The following NRXN1 variants were observed in gnomAD, a reference collection of about 807,000 sequenced individuals.
NRXN1 encodes the protein neurexin 1, also known as neurexin-1.
In NRXN1, 39 loss-of-function variants were observed where a neutral mutation model predicts 150.9. That is an observed-to-expected ratio of 0.26 (90% confidence interval 0.20 to 0.34). NRXN1 has a LOEUF of 0.34. Among genes scored for constraint, NRXN1 ranks in the 10% least tolerant of loss-of-function variants. The probability of loss-of-function intolerance (pLI) is 1.00; values close to 1 mark genes in which losing one functional copy is unlikely to be tolerated. For synonymous variants in NRXN1, 924 were observed against 757.0 expected (o/e 1.22, Z -3.62); for missense variants, 1,815 against 1,949.9 (o/e 0.93, Z 1.30).
rs543585481 is a variant in NRXN1 at position 50,486,487 on chromosome 2, G to A, written c.3070+9418C>T. On this transcript the variant is annotated intron_variant, in intron 15 of 22. Coordinates refer to ENST00000401669, the MANE Select transcript of NRXN1 (RefSeq NM_001330078.2). ...TTCATTGGGTTTCACAAAAAATATC[G>A]GGAACTACACATGTTAAATTTTTAA... Among the ~76,000 whole-genome samples, 10 of 152,202 alleles carry A rather than the reference G, an allele frequency of 6.6e-5. No homozygotes were observed. In the East Asian group the frequency reaches 7.7e-4, roughly 12 times the overall value.
chr2:50,821,738 T>A (rs1669762412), intron 5 of NRXN1, among the ~76,000 whole-genome samples: 1 of 151,952 alleles, frequency 6.6e-6, no homozygotes. Flanking sequence ...ATTGCACACG[T>A]GAAAAAAGAA....
intron 5 of NRXN1, among the ~76,000 whole-genome samples, chr2:50,814,501 T>C (rs1012819992): frequency 6.6e-6 from 1 of 152,132 alleles, no homozygotes; most frequent in Non-Finnish European, 1.5e-5. Context: ...AGTTGGGTAG[T>C]ACCTCATGGA....
chr2:50,204,360 G>A (rs73930308), intron 18 of NRXN1, among the ~76,000 whole-genome samples: 5 of 82,688 alleles, frequency 6.0e-5, no homozygotes, highest in Admixed American at 1.6e-4. Context: ...GTGTGTGTGT[G>A]TGTGTGTGTG....
chr2:50,101,764 T>G (rs993481710), intron 18 of NRXN1, among the ~76,000 whole-genome samples: 4 of 152,040 alleles, frequency 2.6e-5, no homozygotes, highest in Admixed American at 2.0e-4. Context: ...GGAGCACTAT[T>G]TTTTTAAATT....
At chr2:50,371,201 T>A (rs1433438831) in intron 17 of NRXN1, among the ~76,000 whole-genome samples, 3 of 152,138 alleles carry the variant, frequency 2.0e-5, no homozygotes. Context: ...TAACTTCCAC[T>A]GAGGTCTAAC....
intron 18 of NRXN1, among the ~76,000 whole-genome samples, chr2:50,234,376 C>T (rs2065229842): frequency 6.6e-6 from 1 of 151,906 alleles, no homozygotes; most frequent in Non-Finnish European, 1.5e-5. Context: ...CACCTGTAAT[C>T]CTAGATATTT....
At chr2:50,847,405 T>C (rs1021245657) in intron 5 of NRXN1, among the ~76,000 whole-genome samples, 2 of 152,108 alleles carry the variant, frequency 1.3e-5, no homozygotes, top group African/African-American at 2.4e-5. Flanking sequence ...AAACTAGGTC[T>C]GACTGCAGGG....
chr2:50,360,084 C>T (rs1027854147), intron 17 of NRXN1, among the ~76,000 whole-genome samples: 4 of 152,124 alleles, frequency 2.6e-5, no homozygotes, highest in African/African-American at 9.7e-5. Context: ...ACCAGGCCTG[C>T]CTTACAAGAG....
chr2:50,069,844 G>A (rs975219541), intron 19 of NRXN1, among the ~76,000 whole-genome samples: 14 of 80,820 alleles, frequency 1.7e-4, no homozygotes, highest in Non-Finnish European at 3.0e-4. Context: ...GGAGATTTTG[G>A]GGGTTTTTTT....
chr2:50,264,108 C>T (rs1213494083), intron 17 of NRXN1, among the ~76,000 whole-genome samples: 2 of 152,026 alleles, frequency 1.3e-5, no homozygotes, highest in Non-Finnish European at 2.9e-5. Flanking sequence ...TGCAGTAGGA[C>T]TGTGCAATCT....
At position 50,497,439 on chromosome 2, in the gene NRXN1, T is replaced by C; in HGVS notation, c.2773A>G (p.Thr925Ala). ...AACTGGAAAAAAAGATGCATAGAAG[T>C]GTAGGCTTGCAAGGTAGCTAAGGCA... ...YVALATLQAY[T>A]SMHLFFQFKT... is the part of the protein sequence containing the mutation. Residue 925 changes from threonine to alanine, a missense_variant, in exon 14 of 23, where the codon ACT becomes GCT. Thr to Ala is a moderately conservative substitution (Grantham distance 58). Transcript: ENST00000401669. The C allele has an allele frequency of 3.7e-6, 6 of 1,613,544 alleles. No individual in the cohort carries two copies. The highest frequency in any genetic ancestry group is 4.2e-6 in the Non-Finnish European group (5 of 1,179,614).
chr2:50,204,164 A>C (rs1388459266), intron 18 of NRXN1, among the ~76,000 whole-genome samples: 1 of 152,148 alleles, frequency 6.6e-6, no homozygotes, highest in Non-Finnish European at 1.5e-5. Context: ...GAGGCTATAA[A>C]GTAAAAAGCA....
chr2:50,662,143 C>T (rs891798401), intron 5 of NRXN1, among the ~76,000 whole-genome samples: 2 of 152,036 alleles, frequency 1.3e-5, no homozygotes, highest in Admixed American at 6.6e-5. Flanking sequence ...CTTACCACAG[C>T]TTGCATAATG....
intron 17 of NRXN1, among the ~76,000 whole-genome samples, chr2:50,420,422 C>G (rs1007028955): frequency 4.7e-4 from 71 of 151,910 alleles, no homozygotes; most frequent in African/African-American, 1.6e-3. Context: ...CACATACACA[C>G]ACACACACAC....
At chr2:49,982,175 G>C (rs1365952413) in intron 21 of NRXN1, among the ~76,000 whole-genome samples, 1 of 152,120 alleles carries the variant, frequency 6.6e-6, no homozygotes, top group Non-Finnish European at 1.5e-5. Context: ...CATTTGGAGA[G>C]ATAGAAGATT....
At chr2:49,954,795 T>C (rs1024340284) in intron 21 of NRXN1, among the ~76,000 whole-genome samples, 8 of 152,178 alleles carry the variant, frequency 5.3e-5, no homozygotes, top group Non-Finnish European at 1.2e-4. Context: ...CCTTTTGAAA[T>C]CATCTTGAAA....
intron 21 of NRXN1, among the ~76,000 whole-genome samples, chr2:49,981,508 C>T (rs1268768870): frequency 6.6e-6 from 1 of 152,048 alleles, no homozygotes; most frequent in Non-Finnish European, 1.5e-5. Flanking sequence ...GTGAATACAG[C>T]TTGTCAGGCA....
chr2:50,664,670 C>T (rs535780780), intron 5 of NRXN1, among the ~76,000 whole-genome samples: 1 of 151,670 alleles, frequency 6.6e-6, no homozygotes, highest in Admixed American at 6.6e-5. Flanking sequence ...CTCATCTCAT[C>T]CAGAAACTCT....
At chr2:50,866,669 T>C (rs1000194739) in intron 5 of NRXN1, among the ~76,000 whole-genome samples, 7 of 151,912 alleles carry the variant, frequency 4.6e-5, no homozygotes, top group African/African-American at 1.4e-4. Context: ...TGTACTGACA[T>C]AGAGATAACA....
Sources: allele counts gnomAD v4.1 joint callset (sites outside exome capture counted in the v4.1 genomes callset), GRCh38; gene constraint gnomAD v4.1.1; transcripts MANE v1.5; gene names NCBI Gene and HGNC (gene_info 2026-07-23, HGNC 2026-07-21).